C5orf24: variants seen among roughly 807,000 people sequenced by gnomAD.
C5orf24 encodes the protein UPF0461 protein C5orf24.
Under a neutral mutation model 9.8 loss-of-function variants are expected in C5orf24, and 4 were observed. That is an observed-to-expected ratio of 0.41 (90% confidence interval 0.20 to 0.93). The LOEUF is 0.93. C5orf24 is among the 40% of genes least tolerant of loss of function. C5orf24 has a pLI of 0.33. For synonymous variants in C5orf24, 73 were observed against 81.3 expected (o/e 0.90, Z 0.55); for missense variants, 170 against 236.9 (o/e 0.72, Z 1.85).
upstream of C5orf24, among the ~76,000 whole-genome samples, chr5:134,843,841 C>G (rs1221492900): frequency 2.0e-5 from 3 of 152,252 alleles, no homozygotes; most frequent in African/African-American, 7.2e-5. Context: ...AGGCATGAGT[C>G]ACTGTGCCTG....
chr5:134,858,782 TA>T lies in C5orf24; in HGVS notation c.*3321del, dbSNP rs1756375329. 1 of 166,666 alleles carries T rather than the reference TA, an allele frequency of 6.0e-6. No homozygotes were observed. The highest frequency in any genetic ancestry group is 1.5e-5 in the Non-Finnish European group (1 of 68,058). 10.3% of individuals were successfully genotyped at this position (166,666 alleles called of 1,614,324 possible). The stretch of plus-strand genomic sequence containing the variant: ...ATCTTTAGAGTTTTGCATTGGATAT[TA>T]AAAAATATATTGGCACAATGTATTG... On this transcript the variant is annotated 3_prime_UTR_variant, in exon 2 of 2. Coordinates refer to ENST00000394976, the MANE Select transcript of C5orf24 (RefSeq NM_001135586.1).
the C5orf24 span, among the ~76,000 whole-genome samples, chr5:134,840,272 A>G: frequency 6.9e-6 from 1 of 145,164 alleles, no homozygotes; most frequent in East Asian, 2.1e-4. Flanking sequence ...GCACCACCCC[A>G]CTACAGCCTG....
intron 1 of C5orf24, among the ~76,000 whole-genome samples, chr5:134,848,743 C>T (rs900864171): frequency 6.7e-6 from 1 of 150,282 alleles, no homozygotes; most frequent in Non-Finnish European, 1.5e-5. Flanking sequence ...GGCGGATCAC[C>T]TGAGGTCAGG....
chr5:134,858,397 CTG>C lies in C5orf24; in HGVS notation c.*2932_*2933del, dbSNP rs1252681329. 2 of 166,880 alleles carry C rather than the reference CTG, an allele frequency of 1.2e-5. No homozygotes were observed. The highest frequency in any genetic ancestry group is 6.5e-5 in the Admixed American group (1 of 15,282). The allele number at this position is 166,880 out of a possible 1,614,324, so 10.3% of individuals were successfully genotyped here. ...CTACATTGTGCATATTTTGTTAACA[CTG>C]TCTCTTGTTATGATAAACACTGAAA... On this transcript the variant is annotated 3_prime_UTR_variant, in exon 2 of 2. Coordinates refer to ENST00000394976, the MANE Select transcript of C5orf24 (RefSeq NM_001135586.1).
At chr5:134,840,847 C>G (rs2150169644), upstream of C5orf24, among the ~76,000 whole-genome samples, 1 of 152,302 alleles carries the variant, frequency 6.6e-6, no homozygotes, top group Admixed American at 6.5e-5. Context: ...GGAGGCTCAT[C>G]TGAGCCTTGG....
Position 134,857,216 on chromosome 5 carries a change from G to A in C5orf24, c.*1749G>A, listed in dbSNP as rs1179796362. The A allele has an allele frequency of 1.5e-6, 2 of 1,302,608 alleles. No homozygotes were observed. Among genetic ancestry groups the A allele is most frequent in the African/African-American group, 1.5e-5 (1 of 66,518 alleles). The allele number at this position is 1,302,608 out of a possible 1,614,324, so 80.7% of individuals were successfully genotyped here. The stretch of plus-strand genomic sequence containing the variant: ...TATTTGGGATTTTAAATGCCTTTGA[G>A]ATTAAAATGTAGAATTGCAGGACCC... On this transcript the variant is annotated 3_prime_UTR_variant, in exon 2 of 2. Coordinates refer to ENST00000394976, the MANE Select transcript of C5orf24 (RefSeq NM_001135586.1).
rs1288805454 is a variant in C5orf24 at position 134,845,991 on chromosome 5, TCTTCGTA to T, written c.-222_-216del. 6.6e-6 allele frequency: 1 copy of T among 152,212 alleles called. No homozygotes were observed. The highest frequency in any genetic ancestry group is 1.5e-5 in the Non-Finnish European group (1 of 68,044). 9.4% of individuals were successfully genotyped at this position (152,212 alleles called of 1,614,324 possible). On this transcript the variant is annotated 5_prime_UTR_variant, in exon 1 of 2. Coordinates refer to ENST00000394976, the MANE Select transcript of C5orf24 (RefSeq NM_001135586.1). ...CTAACACTACAGGGTGGTAGCGGCC[TCTTCGTA>T]CTGCGTCCGGGGCAGGACCGTGCGC...
intron 1 of C5orf24, among the ~76,000 whole-genome samples, chr5:134,848,658 C>CAAAAAA (rs35768120): frequency 2.7e-5 from 1 of 37,576 alleles, no homozygotes; most frequent in Non-Finnish European, 4.6e-5. Flanking sequence ...AACTCCGTCT[C>CAAAAAA]AAAAAAAAAA....
chr5:134,850,508 T>A (rs1756127384), intron 1 of C5orf24, among the ~76,000 whole-genome samples: 1 of 151,672 alleles, frequency 6.6e-6, no homozygotes, highest in Admixed American at 6.6e-5. Context: ...GTTTCGCTCT[T>A]GTCTCCCAGG....
chr5:134,853,125 A>G (rs1037402884), intron 1 of C5orf24, among the ~76,000 whole-genome samples: 1 of 152,032 alleles, frequency 6.6e-6, no homozygotes, highest in Non-Finnish European at 1.5e-5. Flanking sequence ...AGATCGCGCT[A>G]CTGCACTCCA....
rs1756074271 is a variant in C5orf24, at chr5:134,848,920, G to A, written c.-4+2708G>A. Among the ~76,000 whole-genome samples, 2 of 145,886 alleles carry A rather than the reference G, an allele frequency of 1.4e-5. 1 individual carries two copies. The highest frequency in any genetic ancestry group is 1.4e-4 in the Admixed American group (2 of 14,278). ...TGCGGTGAGTCAAGATTGCACCATT[G>A]CACTCCAGCCTGGGCAACAAGAGTG... On this transcript the variant is annotated intron_variant, in intron 1 of 1. Transcript: ENST00000394976.
At chr5:134,841,623 C>G (rs1348248025), upstream of C5orf24, among the ~76,000 whole-genome samples, 2 of 152,134 alleles carry the variant, frequency 1.3e-5, no homozygotes, top group Non-Finnish European at 2.9e-5. Flanking sequence ...CTAAATTATC[C>G]TCATGTGTTG....
chr5:134,833,682 A>G, the C5orf24 span: 3 of 152,324 alleles, frequency 2.0e-5, no homozygotes, highest in East Asian at 3.9e-4. Context: ...CTAAAAATAT[A>G]TATAAATTTA....
chr5:134,850,476 G>GTT (rs199936351), intron 1 of C5orf24, among the ~76,000 whole-genome samples: 68 of 129,550 alleles, frequency 5.2e-4, no homozygotes, highest in East Asian at 2.2e-3. Context: ...AATTGCAAGT[G>GTT]TTTTTTTTTT....
chr5:134,845,437 T>G (rs574516393), upstream of C5orf24, among the ~76,000 whole-genome samples: 1 of 152,312 alleles, frequency 6.6e-6, no homozygotes, highest in South Asian at 2.1e-4. Context: ...TCTAAGTGGG[T>G]TTGTGTGAGG....
chr5:134,851,024 ATTTATTTAT>A (rs1398408179), intron 1 of C5orf24, among the ~76,000 whole-genome samples: 4 of 148,436 alleles, frequency 2.7e-5, no homozygotes, highest in Admixed American at 1.3e-4. Flanking sequence ...TTATTTATTT[ATTTATTTAT>A]TTTTGTTACC....
upstream of C5orf24, among the ~76,000 whole-genome samples, chr5:134,842,050 AAG>A (rs1248656160): frequency 1.3e-5 from 2 of 152,304 alleles, no homozygotes; most frequent in Non-Finnish European, 2.9e-5. Flanking sequence ...AGAATTTTAT[AAG>A]AGGAGCTGCC....
chr5:134,849,342 A>G (rs1756090472), intron 1 of C5orf24, among the ~76,000 whole-genome samples: 1 of 152,198 alleles, frequency 6.6e-6, no homozygotes, highest in Non-Finnish European at 1.5e-5. Flanking sequence ...GCTCACATGC[A>G]AATACTTTTT....
the C5orf24 span, among the ~76,000 whole-genome samples, chr5:134,838,250 C>T: frequency 6.6e-6 from 1 of 152,158 alleles, no homozygotes; most frequent in Non-Finnish European, 1.5e-5. Flanking sequence ...ATATGGCCTA[C>T]CTTGGGCCAG....
Sources: allele counts gnomAD v4.1 joint callset (sites outside exome capture counted in the v4.1 genomes callset), GRCh38; gene constraint gnomAD v4.1.1; transcripts MANE v1.5; gene names NCBI Gene and HGNC (gene_info 2026-07-23, HGNC 2026-07-21).